CFAP54: variants seen among roughly 807,000 people sequenced by gnomAD.
CFAP54 encodes cilia- and flagella-associated protein 54.
A neutral mutation model predicts 370.4 loss-of-function variants in CFAP54; 290 were observed. The observed-to-expected ratio is 0.78, with a 90% CI of 0.71 to 0.86. CFAP54 has a LOEUF of 0.86. CFAP54 is among the 40% of genes least tolerant of loss of function. The pLI is 0.00. For synonymous variants in CFAP54, 1,206 were observed against 1,236.5 expected, an observed-to-expected ratio of 0.98 and a Z score of 0.52; for missense variants, 3,399 against 3,528.7, an observed-to-expected ratio of 0.96 and a Z score of 0.93.
intron 36 of CFAP54, among the ~76,000 whole-genome samples, chr12:96,652,347 T>C (rs1848717741): frequency 6.6e-6 from 1 of 152,256 alleles, no homozygotes; most frequent in African/African-American, 2.4e-5. Flanking sequence ...CCATGAGGCT[T>C]ATAACATTTC....
intron 50 of CFAP54, among the ~76,000 whole-genome samples, chr12:96,724,027 A>G (rs1476017739): frequency 6.6e-6 from 1 of 152,008 alleles, no homozygotes. Flanking sequence ...TTATGGCTGC[A>G]TAGTATTCCA....
Position 96,786,877 on chromosome 12 carries a change from CT to C in CFAP54, c.8660del (p.Leu2887TyrfsTer31). ...LENPPLSEKD[L>X]RESSAKLYRD... is the part of the protein sequence containing the mutation. ...AAAATCCCCCTCTTTCAGAAAAAGA[CT>C]TACGTGAATCATCTGCCAAGGTAAC... On this transcript the variant is annotated frameshift_variant, in exon 62 of 68. Coordinates refer to ENST00000524981, the MANE Select transcript of CFAP54 (RefSeq NM_001306084.2). LOFTEE classifies it high-confidence loss of function. 1 of 1,533,290 alleles carries C rather than the reference CT, an allele frequency of 6.5e-7. No homozygotes were observed. Among genetic ancestry groups the C allele is most frequent in the East Asian group, 2.4e-5 (1 of 40,884 alleles). 95.0% of individuals were successfully genotyped at this position (1,533,290 alleles called of 1,614,324 possible).
chr12:96,824,829 T>C (rs769546717), intron 65 of CFAP54, among the ~76,000 whole-genome samples: 1 of 152,124 alleles, frequency 6.6e-6, no homozygotes, highest in Non-Finnish European at 1.5e-5. Flanking sequence ...ATCTCTACCA[T>C]TATTCCCTCA....
chr12:96,803,856 A>G (rs1363395351), intron 63 of CFAP54, among the ~76,000 whole-genome samples: 1 of 152,186 alleles, frequency 6.6e-6, no homozygotes, highest in Non-Finnish European at 1.5e-5. Context: ...ATACAACCAA[A>G]GGACCACAAC....
chr12:96,799,180 A>T (rs1435811838), intron 63 of CFAP54, among the ~76,000 whole-genome samples: 1 of 152,206 alleles, frequency 6.6e-6, no homozygotes, highest in Non-Finnish European at 1.5e-5. Context: ...ATTGAACAGT[A>T]ATTCAGATTT....
Position 96,742,711 on chromosome 12 carries a change from A to G in CFAP54, c.7219+125A>G, listed in dbSNP as rs111318994. 1.4e-4 allele frequency: 137 copies of G among 966,868 alleles called. No individual in the cohort carries two copies. In the African/African-American group the frequency reaches 2.1e-3, roughly 14 times the overall value. 59.9% of individuals were successfully genotyped at this position (966,868 alleles called of 1,614,324 possible). A position where few individuals can be genotyped will look rare whatever the true frequency, so the allele number is the denominator to read the frequency against. ...CTTTCTAGCTTGATCTGCTTATAGA[A>G]TTAAAAATTCAGGTTATTAATATAT... is the stretch of plus-strand genomic sequence containing the variant. On this transcript the variant is annotated intron_variant, in intron 52 of 67. Coordinates refer to ENST00000524981, the MANE Select transcript of CFAP54 (RefSeq NM_001306084.2).
chr12:96,701,130 A>G (rs890463009), intron 46 of CFAP54, among the ~76,000 whole-genome samples: 1 of 152,128 alleles, frequency 6.6e-6, no homozygotes, highest in Non-Finnish European at 1.5e-5. Context: ...GGATACATGT[A>G]TGTGCATGAG....
intron 26 of CFAP54, among the ~76,000 whole-genome samples, chr12:96,599,129 G>GATGATA (rs1956212082): frequency 1.3e-5 from 2 of 151,892 alleles, no homozygotes; most frequent in African/African-American, 4.8e-5. Flanking sequence ...ATTTACATTA[G>GATGATA]GTATTTCTCC....
chr12:96,580,636 A>G lies in CFAP54; in HGVS notation c.2836A>G (p.Ser946Gly), dbSNP rs1956024048. ...CATTTTGGGTTGCAAAGCAGAAGGAAGTTATGGAAAAGTACGGCTAAACAA... is the reference window on the plus strand; with the variant it reads ...CATTTTGGGTTGCAAAGCAGAAGGAGGTTATGGAAAAGTACGGCTAAACAA... The part of the protein sequence containing the change: ...YCILGCKAEG[S>G]YGKVRLNNNH... The change falls in exon 21 of 68, where the codon AGT becomes GGT. Residue 946 changes from serine (S) to glycine (G), a missense_variant. Ser to Gly is a moderately conservative substitution (Grantham distance 56). This residue lies in a region of CFAP54 where 2,796 missense variants were observed against 2,869.7 expected (regional missense o/e 0.97). Transcript: ENST00000524981. 1 of 1,527,784 alleles carries G rather than the reference A, an allele frequency of 6.5e-7. No individual in the cohort carries two copies. The highest frequency in any genetic ancestry group is 8.8e-7 in the Non-Finnish European group (1 of 1,142,668). The allele number at this position is 1,527,784 out of a possible 1,614,324, so 94.6% of individuals were successfully genotyped here. A position where few individuals can be genotyped will look rare whatever the true frequency, so the allele number is the denominator to read the frequency against.
chr12:96,529,674 C>A (rs1592834200), intron 9 of CFAP54, among the ~76,000 whole-genome samples: 1 of 152,110 alleles, frequency 6.6e-6, no homozygotes, highest in East Asian at 1.9e-4. Flanking sequence ...CTATTTTAAC[C>A]TTTTGTCCTT....
At chr12:96,604,456 A>G (rs752016308) in intron 26 of CFAP54, among the ~76,000 whole-genome samples, 3 of 152,208 alleles carry the variant, frequency 2.0e-5, no homozygotes, top group Admixed American at 6.5e-5. Context: ...TCGGAGCTCA[A>G]TCGCCATGCT....
chr12:96,742,983 C>T (rs1958069216), intron 52 of CFAP54, among the ~76,000 whole-genome samples: 1 of 152,108 alleles, frequency 6.6e-6, no homozygotes, highest in African/African-American at 2.4e-5. Flanking sequence ...TACTCAGTTT[C>T]CTACCCTGTA....
At chr12:96,771,238 A>G (rs1169605018) in intron 60 of CFAP54, among the ~76,000 whole-genome samples, 1 of 152,236 alleles carries the variant, frequency 6.6e-6, no homozygotes, top group African/African-American at 2.4e-5. Context: ...AGGGAAAGTC[A>G]GAAACCAGCT....
At chr12:96,590,264 G>A (rs755809064) in intron 23 of CFAP54, among the ~76,000 whole-genome samples, 4 of 152,148 alleles carry the variant, frequency 2.6e-5, no homozygotes, top group Non-Finnish European at 4.4e-5. Context: ...TTGCTAGAAG[G>A]GGCTCCCAGG....
chr12:96,593,142 C>T (rs1484739583), intron 24 of CFAP54, among the ~76,000 whole-genome samples: 1 of 152,050 alleles, frequency 6.6e-6, no homozygotes, highest in Non-Finnish European at 1.5e-5. Flanking sequence ...ATAATATTGT[C>T]TTCATGGAGG....
At chr12:96,745,645 G>A (rs571942484) in intron 55 of CFAP54, among the ~76,000 whole-genome samples, 3 of 152,146 alleles carry the variant, frequency 2.0e-5, no homozygotes, top group East Asian at 3.9e-4. Flanking sequence ...TCTGATGATA[G>A]TTTCTTTTGC....
intron 45 of CFAP54, 56 bp from the exon 46 acceptor site, chr12:96,699,915 T>C: frequency 7.0e-7 from 1 of 1,434,934 alleles, no homozygotes; most frequent in Non-Finnish European, 9.5e-7. Flanking sequence ...TACTTTTGTT[T>C]TCTAAGTAAA....
intron 67 of CFAP54, among the ~76,000 whole-genome samples, chr12:96,870,965 G>A (rs552796073): frequency 2.6e-5 from 4 of 152,302 alleles, no homozygotes; most frequent in Admixed American, 2.0e-4. Context: ...TGCAAAATAC[G>A]TAAGGGACAG....
At chr12:96,641,942 G>GC (rs199869409) in intron 32 of CFAP54, among the ~76,000 whole-genome samples, 5 of 148,606 alleles carry the variant, frequency 3.4e-5, no homozygotes, top group Admixed American at 2.7e-4. Context: ...GTGGTGCGGG[G>GC]GGGGAGGGAT....
Sources: gnomAD v4.1 joint callset for allele counts (sites outside exome capture counted in the v4.1 genomes callset) on GRCh38, gnomAD v4.1.1 for gene constraint, gnomAD v4.1.1 regional missense constraint, MANE v1.5 for transcripts, NCBI Gene and HGNC (gene_info 2026-07-23, HGNC 2026-07-21) for gene names.